ATP11B: variants seen among roughly 807,000 people sequenced by gnomAD.
ATP11B encodes the protein phospholipid-transporting ATPase IF.
A neutral mutation model predicts 157.8 loss-of-function variants in ATP11B; 81 were observed. The observed-to-expected ratio is 0.51, with a 90% CI of 0.43 to 0.62. The LOEUF (loss-of-function observed/expected upper bound fraction) is 0.62. Among genes scored for constraint, ATP11B ranks in the 20% least tolerant of loss-of-function variants. The pLI, the probability that ATP11B is intolerant of heterozygous loss-of-function variation, is 0.00. For synonymous variants in ATP11B, 451 were observed against 469.4 expected (o/e 0.96, Z 0.51); for missense variants, 1,165 against 1,402.2 (o/e 0.83, Z 2.70).
In ATP11B at chr3:182,918,796, T is replaced by G. The variant is rs1397068231; in HGVS notation, c.*692T>G. On this transcript the variant is annotated 3_prime_UTR_variant, in exon 30 of 30. Transcript: ENST00000323116. ...TGCAAGGGTATATCATATATACAAA[T>G]CAGGAATCAGGTCCGTTCACCGAAC... The G allele has an allele frequency of 6.4e-6, 1 of 156,998 alleles. No homozygotes were observed. Among genetic ancestry groups the G allele is most frequent in the Non-Finnish European group, 1.4e-5 (1 of 71,366 alleles). 9.7% of individuals were successfully genotyped at this position (156,998 alleles called of 1,614,324 possible).
At chr3:182,915,275 G>T in intron 29 of ATP11B, 1 of 985,162 alleles carries the variant, frequency 1.0e-6, no homozygotes, top group Non-Finnish European at 1.2e-6. Flanking sequence ...TTCAATCCCC[G>T]TTTATTCTGA....
rs962185129 is a variant in ATP11B at position 182,848,458 on chromosome 3, T to A, written c.770-18T>A. ...GCTAGAGGATTATTTTAAGAGACAA[T>A]TTTGTTTTATTTTACAGGTGTTGCG... On this transcript the variant is annotated intron_variant, in intron 9 of 29. Coordinates refer to ENST00000323116, the MANE Select transcript of ATP11B (RefSeq NM_014616.3). 1 of 1,412,612 alleles carries A rather than the reference T, an allele frequency of 7.1e-7. No individual in the cohort carries two copies. The highest frequency in any genetic ancestry group is 1.5e-5 in the African/African-American group (1 of 68,750). 87.5% of individuals were successfully genotyped at this position (1,412,612 alleles called of 1,614,324 possible). A position where few individuals can be genotyped will look rare whatever the true frequency, so the allele number is the denominator to read the frequency against.
chr3:182,888,863 T>C (rs1291688456), intron 24 of ATP11B, among the ~76,000 whole-genome samples: 1 of 150,572 alleles, frequency 6.6e-6, no homozygotes, highest in Non-Finnish European at 1.5e-5. Context: ...TATTTCTTTT[T>C]TTTTTTTTTT....
At chr3:182,846,141 C>T (rs1719503351) in intron 9 of ATP11B, among the ~76,000 whole-genome samples, 1 of 152,178 alleles carries the variant, frequency 6.6e-6, no homozygotes. Flanking sequence ...TAGCTCCTCA[C>T]ATTTCAGGAA....
chr3:182,847,517 T>A (rs1011347034), intron 9 of ATP11B, among the ~76,000 whole-genome samples: 1 of 152,208 alleles, frequency 6.6e-6, no homozygotes, highest in African/African-American at 2.4e-5. Context: ...ATTCTGGCTA[T>A]TTTACCACGT....
rs1187725187 is a variant in ATP11B, at chr3:182,866,301, A to G, written c.1477A>G (p.Ser493Gly). 4 of 1,594,858 alleles carry G rather than the reference A, an allele frequency of 2.5e-6. No individual in the cohort carries two copies. In the South Asian group the frequency reaches 4.6e-5, roughly 18 times the overall value. The change falls in exon 14 of 30, where the codon AGT becomes GGT. Residue 493 changes from serine (S) to glycine (G), a missense_variant. By Grantham distance (56) the Ser-to-Gly change is moderately conservative (BLOSUM62 0). Coordinates refer to ENST00000323116, the MANE Select transcript of ATP11B (RefSeq NM_014616.3). The part of the protein sequence containing the change: ...KEHDLFFKAV[S>G]LCHTVQISNV... ...ACATGATCTCTTCTTTAAAGCAGTC[A>G]GTCTCTGTCACACTGTACAGATTAG...
chr3:182,838,176 A>G (rs553470677), intron 7 of ATP11B, among the ~76,000 whole-genome samples: 9 of 152,178 alleles, frequency 5.9e-5, no homozygotes, highest in African/African-American at 1.9e-4. Context: ...TCAAAGTCAA[A>G]TGCAGTATAG....
intron 9 of ATP11B, among the ~76,000 whole-genome samples, chr3:182,845,736 A>C (rs60524783): frequency 0.13 from 19,945 of 152,114 alleles, 1,544 homozygotes; most frequent in African/African-American, 0.22. Flanking sequence ...TAGAACCTTG[A>C]TCTTATGTTA....
chr3:182,802,605 C>T (rs1043065421), intron 1 of ATP11B, among the ~76,000 whole-genome samples: 1 of 152,152 alleles, frequency 6.6e-6, no homozygotes, highest in Admixed American at 6.5e-5. Flanking sequence ...CTGGCTCCTT[C>T]GCTCCTTTCA....
intron 10 of ATP11B, among the ~76,000 whole-genome samples, chr3:182,850,158 C>T (rs1188275581): frequency 1.3e-5 from 2 of 152,114 alleles, no homozygotes; most frequent in African/African-American, 4.8e-5. Flanking sequence ...GAAACTGGAT[C>T]CCTATCTTTC....
At chr3:182,912,951 GACAA>G (rs1724895876) in intron 28 of ATP11B, among the ~76,000 whole-genome samples, 1 of 151,760 alleles carries the variant, frequency 6.6e-6, no homozygotes, top group Admixed American at 6.6e-5. Context: ...GAGCATCTTT[GACAA>G]ACAAAACCAG....
intron 3 of ATP11B, among the ~76,000 whole-genome samples, chr3:182,828,872 C>T (rs961940866): frequency 3.9e-5 from 6 of 151,960 alleles, no homozygotes; most frequent in African/African-American, 1.4e-4. Flanking sequence ...TTATTCTTTT[C>T]CGATAAAACT....
At position 182,836,342 on chromosome 3, in the gene ATP11B, GTGGGTGATAT is replaced by G. The variant is rs2108510787; in HGVS notation, c.427_436del (p.Gly143PhefsTer3). 2 of 1,613,396 alleles carry G rather than the reference GTGGGTGATAT, an allele frequency of 1.2e-6. No homozygotes were observed. The highest frequency in any genetic ancestry group is 1.7e-6 in the Non-Finnish European group (2 of 1,179,660). ...CACTCTTCCCCAAAATTCTTTATAG[GTGGGTGATAT>G]TGTTCGAATAGCCAAAGATGAAATT... On this transcript the variant is annotated frameshift_variant and splice_region_variant, in exon 6 of 30. Coordinates refer to ENST00000323116, the MANE Select transcript of ATP11B (RefSeq NM_014616.3). LOFTEE classifies it high-confidence loss of function.
At position 182,848,626 on chromosome 3, in the gene ATP11B, ATAT is replaced by A. The variant is rs1368920012; in HGVS notation, c.851+73_851+75del. Reference sequence around the variant, plus strand: ...ACATTTTTTATTCGTTTGGTATAAAATATTATATATATAATATATATTAAGTAA... The same window carrying A: ...ACATTTTTTATTCGTTTGGTATAAAATATATATATAATATATATTAAGTAA... On this transcript the variant is annotated intron_variant, in intron 10 of 29. Coordinates refer to ENST00000323116, the MANE Select transcript of ATP11B (RefSeq NM_014616.3). The A allele has an allele frequency of 1.7e-5, 11 of 631,466 alleles. No individual in the cohort carries two copies. The East Asian group carries it at 5.3e-4, about 31-fold the overall frequency. 39.1% of individuals were successfully genotyped at this position (631,466 alleles called of 1,614,324 possible). A position where few individuals can be genotyped will look rare whatever the true frequency, so the allele number is the denominator to read the frequency against.
intron 3 of ATP11B, among the ~76,000 whole-genome samples, chr3:182,829,439 C>T (rs949546236): frequency 2.0e-5 from 3 of 152,110 alleles, no homozygotes; most frequent in Admixed American, 2.0e-4. Context: ...CACTCCTTGG[C>T]GAATATTGAA....
Position 182,842,061 on chromosome 3 carries a change from GA to G in ATP11B, c.657-12del. The G allele has an allele frequency of 6.3e-7, 1 of 1,577,350 alleles. No individual in the cohort carries two copies. Among genetic ancestry groups the G allele is most frequent in the Non-Finnish European group, 8.7e-7 (1 of 1,151,534 alleles). ...GTGATATTATATGTTTTTGTAATGT[GA>G]ATTTTTTGATAGATTCATGGGACGA... is the stretch of plus-strand genomic sequence containing the variant. On this transcript the variant is annotated splice_polypyrimidine_tract_variant and intron_variant, in intron 7 of 29. Coordinates refer to ENST00000323116, the MANE Select transcript of ATP11B (RefSeq NM_014616.3).
chr3:182,883,919 C>T (rs1722615179), intron 21 of ATP11B, among the ~76,000 whole-genome samples: 2 of 138,836 alleles, frequency 1.4e-5, no homozygotes. Flanking sequence ...CCCGCCACTG[C>T]ACTCCAGCCT....
intron 2 of ATP11B, among the ~76,000 whole-genome samples, chr3:182,825,157 C>T (rs894486976): frequency 6.6e-6 from 1 of 152,148 alleles, no homozygotes; most frequent in Admixed American, 6.5e-5. Context: ...TCATGCTGTC[C>T]TAGCTTCCTG....
At chr3:182,838,420 G>T (rs1358287866) in intron 7 of ATP11B, among the ~76,000 whole-genome samples, 3 of 151,908 alleles carry the variant, frequency 2.0e-5, no homozygotes, top group Admixed American at 6.6e-5. Context: ...TTGGTGTATG[G>T]TTTTTACATT....
Sources: gnomAD v4.1 joint callset for allele counts (sites outside exome capture counted in the v4.1 genomes callset) on GRCh38, gnomAD v4.1.1 for gene constraint, MANE v1.5 for transcripts, NCBI Gene and HGNC (gene_info 2026-07-23, HGNC 2026-07-21) for gene names.